Variants in PKD1L1 observed in about 807,000 individuals in gnomAD.
PKD1L1 encodes polycystin 1 like 1, transient receptor potential channel interacting, also known as polycystin-1-like protein 1.
PKD1L1 carries 236 observed loss-of-function variants against 323.4 expected under a neutral mutation model. The observed-to-expected ratio is 0.73, with a 90% confidence interval of 0.66 to 0.81. The LOEUF is 0.81. Among genes scored for constraint, PKD1L1 ranks in the 40% least tolerant of loss-of-function variants. PKD1L1 has a pLI of 0.00. For missense variants in PKD1L1, 3,320 were observed against 3,508.0 expected, an observed-to-expected ratio of 0.95 and a Z score of 1.35; for synonymous variants, 1,344 against 1,335.0, an observed-to-expected ratio of 1.01 and a Z score of -0.15.
chr7:47,834,847 A>C (rs1785422809), intron 39 of PKD1L1, 120 bp downstream of exon 39: 1 of 797,694 alleles, frequency 1.3e-6, no homozygotes, highest in Admixed American at 2.8e-5. Flanking sequence ...AATGATGCTC[A>C]ATGTTACTCA....
intron 34 of PKD1L1, among the ~76,000 whole-genome samples, chr7:47,841,642 G>T (rs1785565351): frequency 6.6e-6 from 1 of 152,084 alleles, no homozygotes; most frequent in Non-Finnish European, 1.5e-5. Context: ...AGATTAATTT[G>T]GGAGAAATGA....
At chr7:47,861,654 G>T (rs140580128) in intron 26 of PKD1L1, among the ~76,000 whole-genome samples, 17 of 150,952 alleles carry the variant, frequency 1.1e-4, no homozygotes, top group Non-Finnish European at 1.5e-4. Flanking sequence ...AGGCCAAGGC[G>T]GGCGGATCAC....
intron 54 of PKD1L1, among the ~76,000 whole-genome samples, chr7:47,798,065 T>A (rs1432742283): frequency 6.6e-6 from 1 of 152,196 alleles, no homozygotes; most frequent in East Asian, 1.9e-4. Context: ...AACACCAACA[T>A]GATTTTTTAA....
chr7:47,784,565 C>T (rs545204414), intron 56 of PKD1L1, among the ~76,000 whole-genome samples: 17 of 152,226 alleles, frequency 1.1e-4, no homozygotes, highest in Admixed American at 5.9e-4. Flanking sequence ...CTCCATCTCC[C>T]AGGCTCAAGC....
chr7:47,880,783 T>A lies in PKD1L1; in HGVS notation c.3465A>T (p.Thr1155=). 6.2e-7 allele frequency: 1 copy of A among 1,607,220 alleles called. No individual in the cohort carries two copies. Among genetic ancestry groups the A allele is most frequent in the Non-Finnish European group, 8.5e-7 (1 of 1,175,940 alleles). Residue 1155 remains threonine, a synonymous_variant, in exon 21 of 57, where the codon ACA becomes ACT. Coordinates refer to ENST00000289672, the MANE Select transcript of PKD1L1 (RefSeq NM_138295.5). ...CACTGCTCAGAGAGTATGGCTTGAT[T>A]GTCACTGTCTGTTCTGTAATACCTG... ...SSSGITEQTV[T]IKPYSLSSGE...
chr7:47,869,826 A>G (rs1316882051), intron 24 of PKD1L1, among the ~76,000 whole-genome samples: 3 of 152,202 alleles, frequency 2.0e-5, no homozygotes. Context: ...AGAATACACC[A>G]TATAGTAGGC....
intron 50 of PKD1L1, among the ~76,000 whole-genome samples, chr7:47,810,995 C>T (rs1784880366): frequency 6.6e-6 from 1 of 152,170 alleles, no homozygotes; most frequent in Admixed American, 6.5e-5. Flanking sequence ...CTCTCTCTTG[C>T]TCTCTTTCCC....
chr7:47,853,766 C>CAAAAAAAAAAAAAAAAAAAAACA (rs58842095), intron 30 of PKD1L1, among the ~76,000 whole-genome samples: 1 of 108,168 alleles, frequency 9.2e-6, no homozygotes, highest in African/African-American at 3.7e-5. Context: ...ACAAACAAAC[C>CAAAAAAAAAAAAAAAAAAAAACA]AAAAAAAAAA....
Position 47,795,901 on chromosome 7 carries a change from T to G in PKD1L1, c.8355+88A>C, listed in dbSNP as rs565211168. 5.9e-5 allele frequency: 86 copies of G among 1,461,264 alleles called. 1 individual carries two copies. In the South Asian group the frequency reaches 1.1e-3, roughly 18 times the overall value. 90.5% of individuals were successfully genotyped at this position (1,461,264 alleles called of 1,614,324 possible). ...ATTTGGCATGGAAACATACTCATGC[T>G]TTGATAACTGAAAGCAAAATTCTGC... On this transcript the variant is annotated intron_variant, in intron 55 of 56. Coordinates refer to ENST00000289672, the MANE Select transcript of PKD1L1 (RefSeq NM_138295.5).
chr7:47,792,716 G>A lies in PKD1L1; in HGVS notation c.8437C>T (p.Pro2813Ser). 1 of 1,614,084 alleles carries A rather than the reference G, an allele frequency of 6.2e-7. No homozygotes were observed. The highest frequency in any genetic ancestry group is 1.3e-5 in the African/African-American group (1 of 75,036). The change falls in exon 56 of 57, where the codon CCC becomes TCC. Residue 2813 changes from proline (P) to serine (S), a missense_variant. Physicochemically the swap from Pro to Ser is moderately conservative, Grantham distance 74. Transcript: ENST00000289672. ...INGLSDSLQL[P>S]LLEKTSNNTG... is the part of the protein sequence containing the mutation. ...TTGTTGGATGTTTTTTCCAGAAGGGGGAGTTGTAGGCTGTCGGACAAACCA... is the reference window on the plus strand; with the variant it reads ...TTGTTGGATGTTTTTTCCAGAAGGGAGAGTTGTAGGCTGTCGGACAAACCA...
intron 56 of PKD1L1, 29 bp from the exon 57 acceptor site, chr7:47,775,195 AAAC>A: frequency 6.2e-7 from 1 of 1,613,836 alleles, no homozygotes; most frequent in Admixed American, 1.7e-5. Flanking sequence ...AAACATACTG[AAAC>A]AACACCCCTC....
intron 20 of PKD1L1, 146 bp from the exon 21 acceptor site, chr7:47,880,951 A>T (rs1786540420): frequency 1.9e-6 from 1 of 528,518 alleles, no homozygotes. Flanking sequence ...CCTGCTTGGA[A>T]AGGTTGCTGG....
intron 28 of PKD1L1, among the ~76,000 whole-genome samples, chr7:47,856,332 C>A (rs933943662): frequency 7.2e-5 from 11 of 152,218 alleles, no homozygotes; most frequent in African/African-American, 2.7e-4. Flanking sequence ...ACCCACTGTG[C>A]CCGGCCTCAG....
At chr7:47,865,714 T>A (rs1023531448) in intron 25 of PKD1L1, among the ~76,000 whole-genome samples, 1 of 151,436 alleles carries the variant, frequency 6.6e-6, no homozygotes, top group African/African-American at 2.4e-5. Context: ...GCCTCCCGAG[T>A]AGCTGGGACT....
intron 56 of PKD1L1, among the ~76,000 whole-genome samples, chr7:47,787,985 G>A (rs1003362939): frequency 1.3e-5 from 2 of 152,220 alleles, no homozygotes; most frequent in African/African-American, 4.8e-5. Flanking sequence ...TGCTTGTATT[G>A]TAGGCGGGAG....
At position 47,812,036 on chromosome 7, in the gene PKD1L1, T is replaced by G; in HGVS notation, c.7362A>C (p.Thr2454=). ...SLGRTRTEAH[T]ALSRLRASMW... The stretch of plus-strand genomic sequence containing the variant: ...TGCTGGCCCTGAGTCGGGACAGGGC[T>G]GTGTGGGCTTCAGTCCTGTAAAACA... Residue 2454 remains threonine (T), a synonymous_variant, in exon 50 of 57, where the codon ACA becomes ACC. Coordinates refer to ENST00000289672, the MANE Select transcript of PKD1L1 (RefSeq NM_138295.5). The G allele has an allele frequency of 6.4e-7, 1 of 1,562,782 alleles. No individual in the cohort carries two copies. The highest frequency in any genetic ancestry group is 1.2e-5 in the South Asian group (1 of 84,754).
rs752268644 is a variant in PKD1L1, at chr7:47,898,179, G to C, written c.2080C>G (p.Pro694Ala). ...TCAAACGTCACTCCCAGCCTCACAG[G>C]CTGAGACCTCCATATCTAAGTATCA... ...PGKVQIWRSQ[P>A]VRLGVTFEAA... Residue 694 changes from proline to alanine, a missense_variant, in exon 14 of 57, where the codon CCT (proline) becomes GCT (alanine). Transcript: ENST00000289672. 1.4e-5 allele frequency: 23 copies of C among 1,613,680 alleles called. No individual in the cohort carries two copies. The highest frequency in any genetic ancestry group is 1.2e-4 in the South Asian group (11 of 91,066).
chr7:47,904,459 C>T lies in PKD1L1; in HGVS notation c.1850G>A (p.Gly617Asp), dbSNP rs1228600495. 9 of 1,614,032 alleles carry T rather than the reference C, an allele frequency of 5.6e-6. No homozygotes were observed. Residue 617 changes from glycine to aspartate, a missense_variant, in exon 12 of 57, where the codon GGC becomes GAC. By Grantham distance (94) the Gly-to-Asp change is moderately conservative. Transcript: ENST00000289672. ...SVAFECWINFGTDVAYLWDFG... is the reference protein window; with the variant it reads ...SVAFECWINFDTDVAYLWDFG... ...GTCCCACAGGTAGGCAACATCTGTG[C>T]CGAAGTTGATCCAGCACTCAAAGGC...
At chr7:47,810,344 T>C (rs530044945) in intron 50 of PKD1L1, among the ~76,000 whole-genome samples, 1 of 152,340 alleles carries the variant, frequency 6.6e-6, no homozygotes, top group South Asian at 2.1e-4. Flanking sequence ...GATCCTGCCA[T>C]TGCTTACAAT....
Sources: gnomAD v4.1 joint callset for allele counts (sites outside exome capture counted in the v4.1 genomes callset) on GRCh38, gnomAD v4.1.1 for gene constraint, MANE v1.5 for transcripts, NCBI Gene and HGNC (gene_info 2026-07-23, HGNC 2026-07-21) for gene names.